JAZF1: variants seen among roughly 807,000 people sequenced by gnomAD.
JAZF1 encodes JAZF zinc finger 1.
Under a neutral mutation model 26.4 loss-of-function variants are expected in JAZF1, and 8 were observed. That is an observed-to-expected ratio of 0.30 (90% CI 0.18 to 0.55). JAZF1 has a LOEUF of 0.55. JAZF1 is among the 20% of genes least tolerant of loss of function. The pLI is 0.94. For synonymous variants in JAZF1, 126 were observed against 122.3 expected, an observed-to-expected ratio of 1.03 and a Z score of -0.20; for missense variants, 199 against 322.0, an observed-to-expected ratio of 0.62 and a Z score of 2.92.
At chr7:27,853,985 C>T (rs1183993197) in intron 3 of JAZF1, among the ~76,000 whole-genome samples, 1 of 152,150 alleles carries the variant, frequency 6.6e-6, no homozygotes, top group Non-Finnish European at 1.5e-5. Context: ...AAGTCTCCCA[C>T]TATTGTTGTG....
At chr7:27,864,951 A>G (rs1783449841) in intron 3 of JAZF1, among the ~76,000 whole-genome samples, 2 of 152,176 alleles carry the variant, frequency 1.3e-5, no homozygotes, top group South Asian at 2.1e-4. Flanking sequence ...TGCTTCCCCC[A>G]GAGTCTCGAA....
intron 2 of JAZF1, among the ~76,000 whole-genome samples, chr7:27,988,077 G>A (rs1427787791): frequency 1.3e-5 from 2 of 152,010 alleles, no homozygotes; most frequent in East Asian, 3.9e-4. Flanking sequence ...CTCTGCCTAG[G>A]AAAACCAGAG....
chr7:28,070,099 C>G (rs1783953973), intron 1 of JAZF1, among the ~76,000 whole-genome samples: 1 of 152,196 alleles, frequency 6.6e-6, no homozygotes, highest in African/African-American at 2.4e-5. Context: ...TTTTTTGTTG[C>G]TCTGCCCTTG....
intron 3 of JAZF1, among the ~76,000 whole-genome samples, chr7:27,878,526 G>T (rs1216896767): frequency 6.6e-6 from 1 of 151,976 alleles, no homozygotes; most frequent in African/African-American, 2.4e-5. Context: ...ACTTCAGTTT[G>T]AAAAAAGTAT....
intron 1 of JAZF1, among the ~76,000 whole-genome samples, chr7:28,164,498 A>G (rs2127952693): frequency 6.6e-6 from 1 of 152,372 alleles, no homozygotes; most frequent in East Asian, 1.9e-4. Flanking sequence ...TAACAGGTCC[A>G]GATGTCCTCG....
intron 3 of JAZF1, among the ~76,000 whole-genome samples, chr7:27,877,380 A>G (rs539112713): frequency 6.6e-6 from 1 of 152,242 alleles, no homozygotes. Flanking sequence ...ATGGAAAGGT[A>G]TAACGGTCTG....
In JAZF1 at chr7:28,049,267, A is replaced by G. The variant is rs576823240; in HGVS notation, c.116-57286T>C. 8.8e-4 allele frequency among the ~76,000 whole-genome samples: 133 copies of G among 151,768 alleles called. 2 individuals carry two copies. In the Middle Eastern group the frequency reaches 0.014, roughly 16 times the overall value. On this transcript the variant is annotated intron_variant, in intron 1 of 4. Coordinates refer to ENST00000283928, the MANE Select transcript of JAZF1 (RefSeq NM_175061.4). ...CTGGCTAATTTTTTGTATTTTTAGT[A>G]GAGACAGGGTTTCACCATACTGCCC...
At chr7:27,985,001 G>C (rs1310195256) in intron 2 of JAZF1, among the ~76,000 whole-genome samples, 1 of 152,134 alleles carries the variant, frequency 6.6e-6, no homozygotes, top group Non-Finnish European at 1.5e-5. Context: ...AGAGAAAGCA[G>C]GAAAGATCCA....
chr7:27,930,833 T>TAA (rs67053281), intron 2 of JAZF1, among the ~76,000 whole-genome samples: 39 of 151,022 alleles, frequency 2.6e-4, no homozygotes, highest in East Asian at 1.2e-3. Flanking sequence ...CCATTTTTTT[T>TAA]AAAAAAAAAA....
intron 2 of JAZF1, among the ~76,000 whole-genome samples, chr7:27,945,557 G>A (rs114755501): frequency 1.5e-3 from 231 of 152,232 alleles, no homozygotes; most frequent in African/African-American, 5.4e-3. Flanking sequence ...CGTTTTTTAC[G>A]GTTGATTTTC....
intron 3 of JAZF1, among the ~76,000 whole-genome samples, chr7:27,861,310 A>G (rs998993216): frequency 6.6e-6 from 1 of 152,082 alleles, no homozygotes; most frequent in African/African-American, 2.4e-5. Flanking sequence ...TCTTTGAAAA[A>G]AATTTTTTTT....
At chr7:28,131,262 T>C (rs1782788749) in intron 1 of JAZF1, among the ~76,000 whole-genome samples, 3 of 152,124 alleles carry the variant, frequency 2.0e-5, no homozygotes, top group African/African-American at 7.2e-5. Flanking sequence ...TGTCAGTGAT[T>C]TATATATTCA....
chr7:27,916,648 C>T (rs867997386), intron 2 of JAZF1, among the ~76,000 whole-genome samples: 2 of 152,282 alleles, frequency 1.3e-5, no homozygotes, highest in Admixed American at 6.5e-5. Context: ...AGCACTTCAG[C>T]GCTATGCTTG....
intron 1 of JAZF1, among the ~76,000 whole-genome samples, chr7:28,147,712 A>ATATATATG (rs1339909446): frequency 6.7e-6 from 1 of 150,052 alleles, no homozygotes; most frequent in African/African-American, 2.4e-5. Context: ...ATATACATAT[A>ATATATATG]TATATACACA....
intron 1 of JAZF1, among the ~76,000 whole-genome samples, chr7:28,081,076 G>C (rs550947058): frequency 6.6e-6 from 1 of 152,128 alleles, no homozygotes; most frequent in Non-Finnish European, 1.5e-5. Context: ...AGAAAACCTC[G>C]TGGGGACCAG....
chr7:27,876,360 T>C (rs1005926008), intron 3 of JAZF1, among the ~76,000 whole-genome samples: 6 of 152,202 alleles, frequency 3.9e-5, no homozygotes, highest in Non-Finnish European at 5.9e-5. Context: ...TAGAATAGCT[T>C]TGGTCATCTG....
chr7:27,879,361 G>A (rs1368783725), intron 3 of JAZF1, among the ~76,000 whole-genome samples: 4 of 152,148 alleles, frequency 2.6e-5, no homozygotes, highest in African/African-American at 9.7e-5. Flanking sequence ...GCCCACATGA[G>A]AATTAAACCC....
At chr7:27,936,407 C>T (rs996900178) in intron 2 of JAZF1, among the ~76,000 whole-genome samples, 1 of 152,222 alleles carries the variant, frequency 6.6e-6, no homozygotes, top group Admixed American at 6.5e-5. Flanking sequence ...CTTCCTCATA[C>T]GTGTCTATAC....
intron 1 of JAZF1, among the ~76,000 whole-genome samples, chr7:28,012,855 C>A (rs1438932861): frequency 1.3e-5 from 2 of 152,200 alleles, no homozygotes; most frequent in African/African-American, 4.8e-5. Flanking sequence ...TGTATTTAAA[C>A]CACGTTTTTT....
Sources: allele counts gnomAD v4.1 joint callset (sites outside exome capture counted in the v4.1 genomes callset), GRCh38; gene constraint gnomAD v4.1.1; transcripts MANE v1.5; gene names NCBI Gene and HGNC (gene_info 2026-07-23, HGNC 2026-07-21).